Variants in MARCHF10 observed in about 807,000 individuals in gnomAD.
MARCHF10 encodes probable E3 ubiquitin-protein ligase MARCHF10.
Under a neutral mutation model 76.2 loss-of-function variants are expected in MARCHF10, and 64 were observed. That is an observed-to-expected ratio of 0.84 (90% confidence interval 0.69 to 1.03). The LOEUF is 1.03. MARCHF10 is among the 50% of genes least tolerant of loss of function. The probability of loss-of-function intolerance (pLI) is 0.00; values close to 1 mark genes in which losing one functional copy is unlikely to be tolerated. For synonymous variants in MARCHF10, 340 were observed against 357.5 expected, an observed-to-expected ratio of 0.95 and a Z score of 0.55; for missense variants, 875 against 958.0, an observed-to-expected ratio of 0.91 and a Z score of 1.14.
At chr17:62,762,982 C>T (rs1412101565) in intron 3 of MARCHF10, among the ~76,000 whole-genome samples, 1 of 152,194 alleles carries the variant, frequency 6.6e-6, no homozygotes, top group Non-Finnish European at 1.5e-5. Flanking sequence ...TGAATCCCAG[C>T]TCTTGCACAT....
At chr17:62,745,329 C>A (rs1460167142) in intron 4 of MARCHF10, among the ~76,000 whole-genome samples, 1 of 151,996 alleles carries the variant, frequency 6.6e-6, no homozygotes, top group Non-Finnish European at 1.5e-5. Flanking sequence ...GTCTCAAAGT[C>A]CTGACCTCAA....
intron 4 of MARCHF10, among the ~76,000 whole-genome samples, chr17:62,751,050 T>A (rs1356899279): frequency 6.6e-6 from 1 of 152,054 alleles, no homozygotes; most frequent in Non-Finnish European, 1.5e-5. Context: ...CCCGGCGGGA[T>A]CATGCGAAGG....
chr17:62,793,634 C>A (rs1376791596), intron 2 of MARCHF10, among the ~76,000 whole-genome samples: 1 of 142,920 alleles, frequency 7.0e-6, no homozygotes, highest in African/African-American at 2.6e-5. Flanking sequence ...CACCACAACC[C>A]CATCAACCAC....
chr17:62,787,510 C>A (rs1252598614), intron 3 of MARCHF10, among the ~76,000 whole-genome samples: 1 of 152,172 alleles, frequency 6.6e-6, no homozygotes, highest in Non-Finnish European at 1.5e-5. Context: ...ACCATGCTAA[C>A]AGTCAGTGTT....
chr17:62,718,230 C>G (rs896315186), intron 8 of MARCHF10, among the ~76,000 whole-genome samples: 12 of 152,292 alleles, frequency 7.9e-5, no homozygotes, highest in Admixed American at 3.9e-4. Context: ...CTCAAGGTCA[C>G]GGGGCCACTC....
intron 6 of MARCHF10, among the ~76,000 whole-genome samples, chr17:62,725,567 G>T (rs2090718532): frequency 6.6e-6 from 1 of 152,224 alleles, no homozygotes; most frequent in Admixed American, 6.5e-5. Context: ...GCCTGGCTGA[G>T]GCACAAATTC....
intron 9 of MARCHF10, among the ~76,000 whole-genome samples, chr17:62,709,719 C>A (rs1599039827): frequency 1.3e-5 from 2 of 152,138 alleles, no homozygotes; most frequent in South Asian, 2.1e-4. Flanking sequence ...TTAACAAGAG[C>A]CAGTTGGTTT....
Position 62,712,336 on chromosome 17 carries a change from G to A in MARCHF10, c.2215-992C>T, listed in dbSNP as rs1335210357. 2.6e-5 allele frequency among the ~76,000 whole-genome samples: 4 copies of A among 152,196 alleles called. No individual in the cohort carries two copies. Among genetic ancestry groups the A allele is most frequent in the Non-Finnish European group, 5.9e-5 (4 of 68,036 alleles). ...CTCTGTCGGCCCAGGATAACGATGC[G>A]TGGGCATGAATGACACAGTGAGCAC... On this transcript the variant is annotated intron_variant, in intron 8 of 10. Transcript: ENST00000311269. This position sits in a 1 kb window ranked among gnomAD's most constrained non-coding sequence, Gnocchi z 4.2.
chr17:62,722,503 C>T lies in MARCHF10; in HGVS notation c.2199G>A (p.Lys733=). 1 of 1,612,998 alleles carries T rather than the reference C, an allele frequency of 6.2e-7. No individual in the cohort carries two copies. The highest frequency in any genetic ancestry group is 8.5e-7 in the Non-Finnish European group (1 of 1,179,514). Residue 733 remains lysine (K), a synonymous_variant, in exon 8 of 11, where the codon AAG becomes AAA. Transcript: ENST00000311269. ...GDFNMIEFYQ[K]HQQSQAQNEL... is the part of the protein sequence containing the mutation. ...CATTTCTTACCTGAGATTGCTGGTG[C>T]TTCTGGTAGAACTCAATCATGTTAA...
chr17:62,803,820 G>C (rs1300228593), intron 1 of MARCHF10, among the ~76,000 whole-genome samples: 1 of 152,128 alleles, frequency 6.6e-6, no homozygotes, highest in Non-Finnish European at 1.5e-5. Context: ...CCGGCCCATA[G>C]TTACTCTTTA....
chr17:62,753,125 A>T (rs998920073), intron 4 of MARCHF10, among the ~76,000 whole-genome samples: 1 of 151,808 alleles, frequency 6.6e-6, no homozygotes, highest in Non-Finnish European at 1.5e-5. Context: ...TTTGAGATGG[A>T]GCCTTGCTCT....
chr17:62,738,437 T>C lies in MARCHF10; in HGVS notation c.536-1105A>G, dbSNP rs945915058. Among the ~76,000 whole-genome samples the C allele has an allele frequency of 6.6e-6, 1 of 152,142 alleles. No homozygotes were observed. The highest frequency in any genetic ancestry group is 2.4e-5 in the African/African-American group (1 of 41,430). On this transcript the variant is annotated intron_variant, in intron 5 of 10. Transcript: ENST00000311269. This position sits in a 1 kb window ranked among gnomAD's most constrained non-coding sequence, Gnocchi z 4.0. Reference sequence around the variant, plus strand: ...CTTCTCTGATGCCACTTACCTTTATTCCCTCCTGACATCGGCCTCCCCCCG... The same window carrying C: ...CTTCTCTGATGCCACTTACCTTTATCCCCTCCTGACATCGGCCTCCCCCCG...
chr17:62,762,966 C>T (rs982891075), intron 3 of MARCHF10, among the ~76,000 whole-genome samples: 2 of 152,200 alleles, frequency 1.3e-5, no homozygotes, highest in Non-Finnish European at 2.9e-5. Context: ...CCCAGCTCCA[C>T]GGGAGTGAAT....
intron 2 of MARCHF10, among the ~76,000 whole-genome samples, chr17:62,792,129 C>T (rs1250919505): frequency 6.6e-6 from 1 of 151,948 alleles, no homozygotes; most frequent in Non-Finnish European, 1.5e-5. Flanking sequence ...TGTTGACCCC[C>T]CACCCCCCTA....
Position 62,714,388 on chromosome 17 carries a change from TAGTAA to T in MARCHF10, c.2215-3049_2215-3045del, listed in dbSNP as rs563224308. ...TTCTGCCTGTTTCCTCAAAGCATGATAGTAAAGTGAGCTAATATATGGGATCTCGC... is the reference window on the plus strand; with the variant it reads ...TTCTGCCTGTTTCCTCAAAGCATGATAGTGAGCTAATATATGGGATCTCGC... On this transcript the variant is annotated intron_variant, in intron 8 of 10. Coordinates refer to ENST00000311269, the MANE Select transcript of MARCHF10 (RefSeq NM_152598.4). 1.5e-4 allele frequency: 148 copies of T among 985,236 alleles called. 2 individuals are homozygous for T. The African/African-American group carries it at 2.3e-3, about 15-fold the overall frequency. The allele number at this position is 985,236 out of a possible 1,614,324, so 61.0% of individuals were successfully genotyped here. A position where few individuals can be genotyped will look rare whatever the true frequency, so the allele number is the denominator to read the frequency against.
At chr17:62,806,350 G>A (rs2093163850) in intron 1 of MARCHF10, 1 of 152,204 alleles carries the variant, frequency 6.6e-6, no homozygotes, top group African/African-American at 2.4e-5. Context: ...AACACAGAGG[G>A]TTGGGGTGGG....
chr17:62,781,738 A>G (rs774808397), intron 3 of MARCHF10, among the ~76,000 whole-genome samples: 9 of 152,214 alleles, frequency 5.9e-5, no homozygotes, highest in Non-Finnish European at 1.2e-4. Context: ...TGAAGCCATT[A>G]TTTGATGGTA....
At chr17:62,717,210 C>G (rs918466693) in intron 8 of MARCHF10, among the ~76,000 whole-genome samples, 2 of 152,208 alleles carry the variant, frequency 1.3e-5, no homozygotes, top group Non-Finnish European at 2.9e-5. Flanking sequence ...TATGAATTCC[C>G]AGCAGGTCAT....
intron 5 of MARCHF10, among the ~76,000 whole-genome samples, chr17:62,741,035 C>T (rs1330460472): frequency 6.6e-6 from 1 of 152,192 alleles, no homozygotes; most frequent in African/African-American, 2.4e-5. Context: ...CTATATCCAC[C>T]TGCTCCCTGA....
Sources: allele counts gnomAD v4.1 joint callset (sites outside exome capture counted in the v4.1 genomes callset), GRCh38; gene constraint gnomAD v4.1.1; non-coding constraint Gnocchi (gnomAD v3.1); transcripts MANE v1.5; gene names NCBI Gene and HGNC (gene_info 2026-07-23, HGNC 2026-07-21).